ZNF804A: variants seen among roughly 807,000 people sequenced by gnomAD.
ZNF804A encodes zinc finger protein 804A.
Under a neutral mutation model 16.5 loss-of-function variants are expected in ZNF804A, and 2 were observed. The observed-to-expected ratio is 0.12, with a 90% CI of 0.05 to 0.38. The LOEUF (loss-of-function observed/expected upper bound fraction) is 0.38, where lower values mean the gene tolerates loss of function less well. Ranked by LOEUF, ZNF804A falls within the 10% of genes least tolerant of loss-of-function variation. The probability of loss-of-function intolerance (pLI) is 0.99; values close to 1 mark genes in which losing one functional copy is unlikely to be tolerated. For synonymous variants in ZNF804A, 534 were observed against 489.6 expected (o/e 1.09, Z -1.20); for missense variants, 1,473 against 1,390.7 (o/e 1.06, Z -0.94).
At chr2:184,739,730 T>C (rs1014457611) in intron 1 of ZNF804A, among the ~76,000 whole-genome samples, 1 of 152,120 alleles carries the variant, frequency 6.6e-6, no homozygotes, top group Non-Finnish European at 1.5e-5. Flanking sequence ...AAAATACAGA[T>C]ATACAATAGC....
chr2:184,900,355 T>A (rs988160943), intron 2 of ZNF804A, among the ~76,000 whole-genome samples: 3 of 152,114 alleles, frequency 2.0e-5, no homozygotes, highest in African/African-American at 7.2e-5. Flanking sequence ...GTGCTACATA[T>A]AAATCCCTGA....
intron 1 of ZNF804A, among the ~76,000 whole-genome samples, chr2:184,603,244 C>G (rs1691079126): frequency 6.6e-6 from 1 of 152,120 alleles, no homozygotes; most frequent in Non-Finnish European, 1.5e-5. Context: ...GTATTAGGCA[C>G]TAAATAATAC....
At chr2:184,893,890 G>A (rs1178689748) in intron 2 of ZNF804A, among the ~76,000 whole-genome samples, 2 of 152,098 alleles carry the variant, frequency 1.3e-5, no homozygotes, top group Admixed American at 6.5e-5. Flanking sequence ...CATGGTAACT[G>A]ATTCTGTAAC....
At chr2:184,921,369 A>C (rs1257719992) in intron 2 of ZNF804A, among the ~76,000 whole-genome samples, 1 of 152,200 alleles carries the variant, frequency 6.6e-6, no homozygotes, top group African/African-American at 2.4e-5. Context: ...TGTCACAAAA[A>C]TAAGAGAAGT....
intron 1 of ZNF804A, among the ~76,000 whole-genome samples, chr2:184,640,615 AAT>A (rs1224496148): frequency 6.6e-6 from 1 of 152,178 alleles, no homozygotes; most frequent in Non-Finnish European, 1.5e-5. Context: ...TAAGTAATTG[AAT>A]AATAAGGATG....
intron 1 of ZNF804A, among the ~76,000 whole-genome samples, chr2:184,847,882 A>G (rs540343603): frequency 1.3e-5 from 2 of 152,208 alleles, no homozygotes; most frequent in South Asian, 4.1e-4. Context: ...ATTGCAAAGG[A>G]TAAAACTCAG....
At chr2:184,917,756 T>C (rs1685473319) in intron 2 of ZNF804A, among the ~76,000 whole-genome samples, 1 of 151,714 alleles carries the variant, frequency 6.6e-6, no homozygotes, top group Admixed American at 6.6e-5. Flanking sequence ...CTGGGGCTTT[T>C]GGAATGTATC....
chr2:184,930,127 T>C (rs2105840907), intron 2 of ZNF804A, among the ~76,000 whole-genome samples: 1 of 152,316 alleles, frequency 6.6e-6, no homozygotes, highest in South Asian at 2.1e-4. Flanking sequence ...CTGCTAGTGC[T>C]CAATAATTAT....
intron 1 of ZNF804A, among the ~76,000 whole-genome samples, chr2:184,703,036 T>C (rs35743160): frequency 0.016 from 2,402 of 152,252 alleles, 31 homozygotes; most frequent in Non-Finnish European, 0.023. Flanking sequence ...GCTTCTTTTG[T>C]TTTTTGCAGT....
At chr2:184,653,190 G>A (rs1378791883) in intron 1 of ZNF804A, among the ~76,000 whole-genome samples, 1 of 152,084 alleles carries the variant, frequency 6.6e-6, no homozygotes, top group Non-Finnish European at 1.5e-5. Flanking sequence ...TTGAAATCAT[G>A]TTGCATGATT....
intron 1 of ZNF804A, among the ~76,000 whole-genome samples, chr2:184,681,124 CACAAG>C (rs1013880217): frequency 3.1e-4 from 47 of 152,294 alleles, no homozygotes; most frequent in African/African-American, 1.1e-3. Flanking sequence ...AGGGCAGTAG[CACAAG>C]CCTGAATGCA....
chr2:184,822,269 C>T (rs1009566231), intron 1 of ZNF804A, among the ~76,000 whole-genome samples: 1 of 152,014 alleles, frequency 6.6e-6, no homozygotes, highest in Non-Finnish European at 1.5e-5. Flanking sequence ...GGCCCATGGA[C>T]GGAGCTGGAA....
intron 1 of ZNF804A, among the ~76,000 whole-genome samples, chr2:184,790,521 C>T (rs1694521902): frequency 6.6e-6 from 1 of 151,852 alleles, no homozygotes; most frequent in Non-Finnish European, 1.5e-5. Flanking sequence ...TCCAGGTTCT[C>T]CAGTGGTGTA....
At chr2:184,614,206 G>T (rs981197001) in intron 1 of ZNF804A, among the ~76,000 whole-genome samples, 3 of 151,992 alleles carry the variant, frequency 2.0e-5, no homozygotes, top group Admixed American at 6.6e-5. Flanking sequence ...ATTTAATAAA[G>T]GTGTTGGGAA....
intron 1 of ZNF804A, 26 bp from the exon 2 acceptor site, chr2:184,866,343 T>A (rs1032349275): frequency 6.2e-7 from 1 of 1,611,044 alleles, no homozygotes; most frequent in African/African-American, 1.3e-5. Context: ...GCTAATTGTA[T>A]CCTTCCTTGA....
chr2:184,844,465 G>A (rs1695484028), intron 1 of ZNF804A, among the ~76,000 whole-genome samples: 2 of 151,830 alleles, frequency 1.3e-5, no homozygotes. Flanking sequence ...TTTCACTTTT[G>A]AGAAATAATT....
intron 1 of ZNF804A, among the ~76,000 whole-genome samples, chr2:184,796,342 G>C (rs185607931): frequency 6.6e-6 from 1 of 151,056 alleles, no homozygotes; most frequent in Non-Finnish European, 1.5e-5. Flanking sequence ...GAATCTGTCT[G>C]GTCCTGGAAT....
intron 1 of ZNF804A, among the ~76,000 whole-genome samples, chr2:184,659,250 C>T (rs1424886151): frequency 6.6e-6 from 1 of 152,078 alleles, no homozygotes; most frequent in Non-Finnish European, 1.5e-5. Context: ...ACATGGTTTG[C>T]TGGACTGATT....
At chr2:184,901,476 G>A (rs1685181565) in intron 2 of ZNF804A, among the ~76,000 whole-genome samples, 1 of 152,120 alleles carries the variant, frequency 6.6e-6, no homozygotes, top group African/African-American at 2.4e-5. Context: ...CATGAGAGAA[G>A]TTGGTGGGAA....
Sources: allele counts gnomAD v4.1 joint callset (sites outside exome capture counted in the v4.1 genomes callset), GRCh38; gene constraint gnomAD v4.1.1; transcripts MANE v1.5; gene names NCBI Gene and HGNC (gene_info 2026-07-23, HGNC 2026-07-21).